CHMP3: variants seen among roughly 807,000 people sequenced by gnomAD.
The protein encoded by CHMP3 is 25.1 protein.
A neutral mutation model predicts 27.4 loss-of-function variants in CHMP3; 8 were observed. That is an observed-to-expected ratio of 0.29 (90% CI 0.17 to 0.53). CHMP3 has a LOEUF of 0.53. CHMP3 is among the 20% of genes least tolerant of loss of function. The pLI, the probability that CHMP3 is intolerant of heterozygous loss-of-function variation, is 0.96. For synonymous variants in CHMP3, 86 were observed against 85.5 expected, an observed-to-expected ratio of 1.01 and a Z score of -0.03; for missense variants, 208 against 271.5, an observed-to-expected ratio of 0.77 and a Z score of 1.64.
At chr2:86,512,058 T>C (rs1310875832) in intron 3 of CHMP3, 1 of 152,182 alleles carries the variant, frequency 6.6e-6, no homozygotes, top group East Asian at 1.9e-4. Flanking sequence ...ATTAGGTAAG[T>C]GGATTTTTAA....
In CHMP3 at chr2:86,503,588, A is replaced by T. The variant is rs910805959; in HGVS notation, c.*2216T>A. On this transcript the variant is annotated 3_prime_UTR_variant, in exon 6 of 6. Transcript: ENST00000263856. ...CAATAGGTGAATGGATAAACTATTC[A>T]TCTAGACAATGGAGTATTATTCAGT... is the stretch of plus-strand genomic sequence containing the variant. 4 of 152,238 alleles carry T rather than the reference A, an allele frequency of 2.6e-5. No homozygotes were observed. Among genetic ancestry groups the T allele is most frequent in the African/African-American group, 9.6e-5 (4 of 41,458 alleles). 9.4% of individuals were successfully genotyped at this position (152,238 alleles called of 1,614,324 possible). A position where few individuals can be genotyped will look rare whatever the true frequency, so the allele number is the denominator to read the frequency against.
rs1246898670 is a variant in CHMP3 at position 86,503,755 on chromosome 2, G to A, written c.*2049C>T. 2.0e-5 allele frequency: 3 copies of A among 152,208 alleles called. No individual in the cohort carries two copies. The highest frequency in any genetic ancestry group is 2.9e-5 in the Non-Finnish European group (2 of 68,042). 9.4% of individuals were successfully genotyped at this position (152,208 alleles called of 1,614,324 possible). A position where few individuals can be genotyped will look rare whatever the true frequency, so the allele number is the denominator to read the frequency against. Reference sequence around the variant, plus strand: ...ATTCTAGAAAAGGAAGAACTATGGCGACAGTAAAAAGTGGTTGCCAAAGAA... The same window carrying A: ...ATTCTAGAAAAGGAAGAACTATGGCAACAGTAAAAAGTGGTTGCCAAAGAA... On this transcript the variant is annotated 3_prime_UTR_variant, in exon 6 of 6. Transcript: ENST00000263856.
chr2:86,511,002 A>G (rs942047207), intron 3 of CHMP3: 6 of 152,406 alleles, frequency 3.9e-5, no homozygotes, highest in Non-Finnish European at 1.5e-5. Flanking sequence ...GTTCCTTACT[A>G]GAGAAAAACC....
At chr2:86,521,875 A>G (rs149390813) in intron 3 of CHMP3, among the ~76,000 whole-genome samples, 193 of 152,272 alleles carry the variant, frequency 1.3e-3, no homozygotes, top group Admixed American at 3.5e-3. Context: ...GGCTATTGTG[A>G]ATGCTGCTGC....
intron 2 of CHMP3, among the ~76,000 whole-genome samples, chr2:86,538,216 C>T (rs78605978): frequency 0.04 from 6,033 of 152,076 alleles, 174 homozygotes; most frequent in African/African-American, 0.079. Flanking sequence ...TACTTAGAAT[C>T]GTCAAATACT....
intron 3 of CHMP3, among the ~76,000 whole-genome samples, chr2:86,526,661 GCT>G (rs140412089): frequency 5.1e-4 from 76 of 150,328 alleles, no homozygotes; most frequent in Non-Finnish European, 4.9e-4. Flanking sequence ...ACTAGAGCAT[GCT>G]CTCTCTCTCT....
At chr2:86,531,182 C>CT (rs35254899) in intron 2 of CHMP3, among the ~76,000 whole-genome samples, 3 of 151,624 alleles carry the variant, frequency 2.0e-5, no homozygotes, top group African/African-American at 7.3e-5. Flanking sequence ...TTTTCTTTTT[C>CT]TTTTTTTGTA....
At chr2:86,551,325 C>T (rs190599777) in intron 1 of CHMP3, among the ~76,000 whole-genome samples, 4 of 150,628 alleles carry the variant, frequency 2.7e-5, no homozygotes, top group South Asian at 2.1e-4. Flanking sequence ...TCACCCATCT[C>T]GGCTCACTGC....
intron 4 of CHMP3, among the ~76,000 whole-genome samples, chr2:86,508,007 G>T (rs894570372): frequency 1.3e-5 from 2 of 152,164 alleles, no homozygotes; most frequent in Non-Finnish European, 2.9e-5. Flanking sequence ...GGTTGGAGCC[G>T]TAGTAGATGC....
At chr2:86,527,525 C>G (rs1454281154) in intron 3 of CHMP3, among the ~76,000 whole-genome samples, 1 of 152,138 alleles carries the variant, frequency 6.6e-6, no homozygotes, top group South Asian at 2.1e-4. Flanking sequence ...GACAATAATA[C>G]TTGAGCTTTC....
chr2:86,506,626 C>A (rs900033319), intron 5 of CHMP3, among the ~76,000 whole-genome samples: 1 of 131,332 alleles, frequency 7.6e-6, no homozygotes, highest in Non-Finnish European at 1.6e-5. Context: ...TGTTTCGAAC[C>A]TTTTTTTTTT....
chr2:86,546,532 C>G (rs945192080), intron 1 of CHMP3, among the ~76,000 whole-genome samples: 1 of 151,524 alleles, frequency 6.6e-6, no homozygotes, highest in African/African-American at 2.4e-5. Flanking sequence ...CCACCTCCAG[C>G]GTTTAAGTGA....
At chr2:86,534,197 T>A (rs1412751528) in intron 2 of CHMP3, among the ~76,000 whole-genome samples, 1 of 10,244 alleles carries the variant, frequency 9.8e-5, no homozygotes, top group African/African-American at 5.0e-4. Context: ...GCTTTATTTC[T>A]TTTTTTTTTT....
chr2:86,548,179 CTTT>C (rs55949258), intron 1 of CHMP3, among the ~76,000 whole-genome samples: 10 of 116,050 alleles, frequency 8.6e-5, no homozygotes, highest in African/African-American at 2.7e-4. Context: ...GAGGAGTTCT[CTTT>C]TTTTTTTTTT....
chr2:86,531,666 C>T (rs1675927092), intron 2 of CHMP3, among the ~76,000 whole-genome samples: 1 of 152,198 alleles, frequency 6.6e-6, no homozygotes, highest in South Asian at 2.1e-4. Flanking sequence ...AAAGGTCCAA[C>T]TGAATTCTTT....
chr2:86,559,857 A>G (rs1267256581), intron 1 of CHMP3, among the ~76,000 whole-genome samples: 1 of 152,234 alleles, frequency 6.6e-6, no homozygotes, highest in Non-Finnish European at 1.5e-5. Flanking sequence ...GTTTCTGATC[A>G]TCTCAGCCTG....
chr2:86,544,448 C>A (rs1676484472), intron 1 of CHMP3, among the ~76,000 whole-genome samples: 1 of 151,498 alleles, frequency 6.6e-6, no homozygotes, highest in Non-Finnish European at 1.5e-5. Context: ...CAGATAAACA[C>A]GTGAACAAAG....
At chr2:86,544,819 C>T (rs548552935) in intron 1 of CHMP3, among the ~76,000 whole-genome samples, 3 of 152,348 alleles carry the variant, frequency 2.0e-5, no homozygotes, top group East Asian at 1.9e-4. Flanking sequence ...AAACTGCCAT[C>T]GTCATCATGG....
intron 2 of CHMP3, 135 bp from the exon 3 acceptor site, chr2:86,529,532 G>A (rs757381607): frequency 1.6e-5 from 13 of 835,464 alleles, no homozygotes; most frequent in East Asian, 1.3e-4. Context: ...TCAAAATAAC[G>A]TAGTGAATAT....
Sources: allele counts gnomAD v4.1 joint callset (sites outside exome capture counted in the v4.1 genomes callset), GRCh38; gene constraint gnomAD v4.1.1; transcripts MANE v1.5; gene names NCBI Gene and HGNC (gene_info 2026-07-23, HGNC 2026-07-21).